Variants in DNAJC18 observed in about 807,000 individuals in gnomAD.
DNAJC18 encodes DnaJ heat shock protein family (Hsp40) member C18, also known as dnaJ homolog subfamily C member 18.
In DNAJC18, 40 loss-of-function variants were observed where a neutral mutation model predicts 48.6. That is an observed-to-expected ratio of 0.82 (90% CI 0.64 to 1.07). DNAJC18 has a LOEUF of 1.07. Among genes scored for constraint, DNAJC18 ranks in the 50% least tolerant of loss-of-function variants. DNAJC18 has a pLI of 0.00. For synonymous variants in DNAJC18, 135 were observed against 152.2 expected (o/e 0.89, Z 0.83); for missense variants, 340 against 427.7 (o/e 0.79, Z 1.81).
chr5:139,428,454 A>AAAAC, intron 3 of DNAJC18, 84 bp downstream of exon 3: 1 of 1,527,246 alleles, frequency 6.5e-7, no homozygotes, highest in Non-Finnish European at 8.8e-7. Flanking sequence ...ATGGCCTTAT[A>AAAAC]AAACAACTAT....
At position 139,420,169 on chromosome 5, in the gene DNAJC18, A is replaced by G; in HGVS notation, c.836T>C (p.Val279Ala). ...ETQNLQVPYF[V>A]DKNFDKAYRG... ...GTAGGCCTTGTCAAAGTTTTTATCC[A>G]CAAAGTAAGGCACCTGCAGGTTCTG... Residue 279 changes from valine to alanine, a missense_variant, in exon 7 of 8, where the codon GTG becomes GCG. Val to Ala is a moderately conservative substitution (Grantham distance 64). Coordinates refer to ENST00000302060, the MANE Select transcript of DNAJC18 (RefSeq NM_152686.4). 6.2e-7 allele frequency: 1 copy of G among 1,612,188 alleles called. No individual in the cohort carries two copies. Among genetic ancestry groups the G allele is most frequent in the Non-Finnish European group, 8.5e-7 (1 of 1,179,516 alleles).
chr5:139,437,646 T>C (rs1291732105), intron 1 of DNAJC18, 88 bp from the exon 2 acceptor site: 1 of 1,471,834 alleles, frequency 6.8e-7, no homozygotes, highest in Non-Finnish European at 9.1e-7. Context: ...AGGCTGCTCG[T>C]AAGCATGAGA....
chr5:139,437,644 C>T (rs888984615), intron 1 of DNAJC18, 86 bp from the exon 2 acceptor site: 11 of 1,475,306 alleles, frequency 7.5e-6, no homozygotes, highest in Non-Finnish European at 7.2e-6. Context: ...GGAGGCTGCT[C>T]GTAAGCATGA....
intron 6 of DNAJC18, 97 bp from the exon 7 acceptor site, chr5:139,420,322 T>C: frequency 6.7e-6 from 8 of 1,201,328 alleles, no homozygotes; most frequent in Non-Finnish European, 3.4e-6. Flanking sequence ...CATCTGCTCA[T>C]AGAGCAGAGG....
chr5:139,424,171 G>C (rs1174859624), intron 5 of DNAJC18, among the ~76,000 whole-genome samples: 2 of 152,194 alleles, frequency 1.3e-5, no homozygotes, highest in Non-Finnish European at 2.9e-5. Context: ...CTATTTGCAA[G>C]GGGAAGTAGA....
intron 7 of DNAJC18, among the ~76,000 whole-genome samples, chr5:139,417,281 A>G (rs1472055211): frequency 1.3e-5 from 2 of 152,190 alleles, no homozygotes; most frequent in African/African-American, 2.4e-5. Flanking sequence ...TAAAAAGTCA[A>G]TGGCTAACCT....
chr5:139,439,272 G>A lies in DNAJC18; in HGVS notation c.40+134C>T. ...CCTACCCCATCCGCAACCCTACTCA[G>A]GCTCAGCATCTTTTCACAGGCCTCT... On this transcript the variant is annotated intron_variant, in intron 1 of 7. Transcript: ENST00000302060. The surrounding 1 kb of genome is among the most constrained non-coding windows in gnomAD (Gnocchi z 4.1). 1 of 1,429,760 alleles carries A rather than the reference G, an allele frequency of 7.0e-7. No individual in the cohort carries two copies. Among genetic ancestry groups the A allele is most frequent in the South Asian group, 1.2e-5 (1 of 82,424 alleles). 88.6% of individuals were successfully genotyped at this position (1,429,760 alleles called of 1,614,324 possible).
chr5:139,435,307 C>T (rs939798014), intron 2 of DNAJC18, among the ~76,000 whole-genome samples: 3 of 151,790 alleles, frequency 2.0e-5, no homozygotes, highest in Non-Finnish European at 4.4e-5. Context: ...GAGCCGAGAT[C>T]GTGGCATTGC....
Position 139,410,412 on chromosome 5 carries a change from A to G in DNAJC18, c.*3736T>C, listed in dbSNP as rs1482565204. ...AATGATGTAATCAGTATCTAACACG[A>G]GTATATACTTTCTTGGTGGCCACTG... is the stretch of plus-strand genomic sequence containing the variant. On this transcript the variant is annotated 3_prime_UTR_variant, in exon 8 of 8. Transcript: ENST00000302060. 1 of 152,168 alleles carries G rather than the reference A, an allele frequency of 6.6e-6. No homozygotes were observed. The highest frequency in any genetic ancestry group is 2.4e-5 in the African/African-American group (1 of 41,444). 9.4% of individuals were successfully genotyped at this position (152,168 alleles called of 1,614,324 possible). A position where few individuals can be genotyped will look rare whatever the true frequency, so the allele number is the denominator to read the frequency against.
At chr5:139,424,374 C>T (rs999439356) in intron 5 of DNAJC18, among the ~76,000 whole-genome samples, 1 of 152,122 alleles carries the variant, frequency 6.6e-6, no homozygotes, top group Non-Finnish European at 1.5e-5. Flanking sequence ...CTTTTGATCC[C>T]TTACCTTAAA....
At position 139,426,241 on chromosome 5, in the gene DNAJC18, T is replaced by C. The variant is rs1389568756; in HGVS notation, c.490A>G (p.Arg164Gly). 6.2e-7 allele frequency: 1 copy of C among 1,614,108 alleles called. No individual in the cohort carries two copies. The highest frequency in any genetic ancestry group is 1.3e-5 in the African/African-American group (1 of 74,940). Residue 164 changes from arginine to glycine, a missense_variant, in exon 4 of 8, where the codon AGG becomes GGG. Coordinates refer to ENST00000302060, the MANE Select transcript of DNAJC18 (RefSeq NM_152686.4). The part of the protein sequence containing the change: ...APRARPYNYY[R>G]DFEADITPEE... ...GGAGTGATGTCAGCTTCAAAATCCC[T>C]GTAATAATTATAAGGTCTGGCTCGA...
chr5:139,438,566 A>G (rs569016641), intron 1 of DNAJC18, among the ~76,000 whole-genome samples: 34 of 152,290 alleles, frequency 2.2e-4, no homozygotes, highest in African/African-American at 6.0e-4. Context: ...CAGAGCACTC[A>G]TGTCTTCTCT....
In DNAJC18 at chr5:139,412,764, T is replaced by C; in HGVS notation, c.*1384A>G. 1 of 398,686 alleles carries C rather than the reference T, an allele frequency of 2.5e-6. No homozygotes were observed. The highest frequency in any genetic ancestry group is 4.4e-6 in the Non-Finnish European group (1 of 226,102). The allele number at this position is 398,686 out of a possible 1,614,324, so 24.7% of individuals were successfully genotyped here. On this transcript the variant is annotated 3_prime_UTR_variant, in exon 8 of 8. Coordinates refer to ENST00000302060, the MANE Select transcript of DNAJC18 (RefSeq NM_152686.4). ...CTGCCTGCCTGTGAGGGACCTCTTA[T>C]TTTGTGTACAGAATTTATGTTAGAC... is the stretch of plus-strand genomic sequence containing the variant.
At position 139,413,726 on chromosome 5, in the gene DNAJC18, G is replaced by C; in HGVS notation, c.*422C>G. On this transcript the variant is annotated 3_prime_UTR_variant, in exon 8 of 8. Coordinates refer to ENST00000302060, the MANE Select transcript of DNAJC18 (RefSeq NM_152686.4). ...AGATGATGACTCTAATGAAGGGAGA[G>C]GTATAATTCTTGGTAGACAGTGTAA... The C allele has an allele frequency of 6.4e-6, 1 of 156,090 alleles. No individual in the cohort carries two copies. Among genetic ancestry groups the C allele is most frequent in the Non-Finnish European group, 1.4e-5 (1 of 70,826 alleles). The allele number at this position is 156,090 out of a possible 1,614,324, so 9.7% of individuals were successfully genotyped here.
intron 6 of DNAJC18, 104 bp from the exon 7 acceptor site, chr5:139,420,329 G>A: frequency 1.7e-6 from 2 of 1,178,012 alleles, no homozygotes; most frequent in South Asian, 3.2e-5. Context: ...TCATAGAGCA[G>A]AGGCAGATAT....
intron 2 of DNAJC18, 85 bp from the exon 3 acceptor site, chr5:139,428,768 T>A (rs1759282851): frequency 1.4e-6 from 2 of 1,480,576 alleles, no homozygotes; most frequent in Non-Finnish European, 9.0e-7. Context: ...CTACCTCCAA[T>A]CTGTGGGACC....
intron 7 of DNAJC18, among the ~76,000 whole-genome samples, chr5:139,418,215 G>C (rs946649795): frequency 6.6e-6 from 1 of 152,136 alleles, no homozygotes; most frequent in Non-Finnish European, 1.5e-5. Flanking sequence ...CTGTGGCCCA[G>C]GCTGGAGTGC....
Position 139,424,986 on chromosome 5 carries a change from C to T in DNAJC18, c.669+19G>A. 1 of 1,605,178 alleles carries T rather than the reference C, an allele frequency of 6.2e-7. No individual in the cohort carries two copies. The highest frequency in any genetic ancestry group is 8.5e-7 in the Non-Finnish European group (1 of 1,172,348). Reference sequence around the variant, plus strand: ...GTACAACTGTTTATGGGCAGCAGTGCTCCTCCCTCCCTAGGTACCTGAGGT... The same window carrying T: ...GTACAACTGTTTATGGGCAGCAGTGTTCCTCCCTCCCTAGGTACCTGAGGT... On this transcript the variant is annotated intron_variant, in intron 5 of 7. Transcript: ENST00000302060.
chr5:139,414,685 G>C (rs1759046127), intron 7 of DNAJC18, among the ~76,000 whole-genome samples: 1 of 152,238 alleles, frequency 6.6e-6, no homozygotes, highest in Non-Finnish European at 1.5e-5. Flanking sequence ...TTCTTCTCCT[G>C]CATTGCTGCA....
Sources: allele counts gnomAD v4.1 joint callset (sites outside exome capture counted in the v4.1 genomes callset), GRCh38; gene constraint gnomAD v4.1.1; non-coding constraint Gnocchi (gnomAD v3.1); transcripts MANE v1.5; gene names NCBI Gene and HGNC (gene_info 2026-07-23, HGNC 2026-07-21).